PDE10A: variants seen among roughly 807,000 people sequenced by gnomAD.
PDE10A encodes the protein cAMP and cAMP-inhibited cGMP 3',5'-cyclic phosphodiesterase 10A.
A neutral mutation model predicts 97.7 loss-of-function variants in PDE10A; 39 were observed. That is an observed-to-expected ratio of 0.40 (90% CI 0.31 to 0.52). The LOEUF (loss-of-function observed/expected upper bound fraction) is 0.52, where lower values mean the gene tolerates loss of function less well. Among genes scored for constraint, PDE10A ranks in the 20% least tolerant of loss-of-function variants. The probability of loss-of-function intolerance (pLI) is 0.56; values close to 1 mark genes in which losing one functional copy is unlikely to be tolerated. For missense variants in PDE10A, 731 were observed against 1,047.8 expected, an observed-to-expected ratio of 0.70 and a Z score of 4.17; for synonymous variants, 371 against 376.8, an observed-to-expected ratio of 0.98 and a Z score of 0.18.
At position 165,661,957 on chromosome 6, in the gene PDE10A, G is replaced by A; in HGVS notation, c.855C>T (p.Phe285=). 5 of 1,090,508 alleles carry A rather than the reference G, an allele frequency of 4.6e-6. No homozygotes were observed. Among genetic ancestry groups the A allele is most frequent in the South Asian group, 2.7e-5 (2 of 73,204 alleles). The allele number at this position is 1,090,508 out of a possible 1,614,324, so 67.6% of individuals were successfully genotyped here. A position where few individuals can be genotyped will look rare whatever the true frequency, so the allele number is the denominator to read the frequency against. The change falls in exon 1 of 22, where the codon TTC becomes TTT. Residue 285 remains phenylalanine, a synonymous_variant. Transcript: ENST00000539869. The surrounding 1 kb of genome is among the most constrained non-coding windows in gnomAD (Gnocchi z 4.8). ...GAGCAGGCCACTTACTGGGGCTCAG[G>A]AAGCACTCGGTCAGCCTTCGGAAGC... ...ASCFRRLTEC[F]LSPSLTDEKV... is the part of the protein sequence containing the mutation.
chr6:165,344,935 A>G (rs940486703), intron 18 of PDE10A, among the ~76,000 whole-genome samples: 8 of 152,210 alleles, frequency 5.3e-5, no homozygotes, highest in Admixed American at 5.2e-4. Context: ...CAGGGAAACT[A>G]TAAGATTTTC....
At chr6:165,377,241 C>T (rs1370506622) in intron 18 of PDE10A, among the ~76,000 whole-genome samples, 1 of 152,030 alleles carries the variant, frequency 6.6e-6, no homozygotes, top group Middle Eastern at 3.2e-3. Context: ...CTGAGTTATG[C>T]TTGAACATAC....
intron 1 of PDE10A, among the ~76,000 whole-genome samples, chr6:165,830,941 G>A (rs1005700982): frequency 1.3e-4 from 20 of 152,230 alleles, no homozygotes; most frequent in Admixed American, 9.2e-4. Context: ...AGGAGTCATA[G>A]GAAAGCACTT....
chr6:165,850,293 G>T (rs1395348761), intron 1 of PDE10A, among the ~76,000 whole-genome samples: 1 of 152,190 alleles, frequency 6.6e-6, no homozygotes, highest in Non-Finnish European at 1.5e-5. Context: ...CAGCAAAAGA[G>T]GCAAATAACG....
At position 165,662,921 on chromosome 6, in the gene PDE10A, G is replaced by A. The variant is rs1790365794; in HGVS notation, c.-110C>T. Among the ~76,000 whole-genome samples, 2 of 150,976 alleles carry A rather than the reference G, an allele frequency of 1.3e-5. No individual in the cohort carries two copies. The highest frequency in any genetic ancestry group is 4.9e-5 in the African/African-American group (2 of 41,190). ...ACCTGCCCACCCCTGCCGGCCGCCCGAACCGCTGCCTGGTCCTCCTCTCCG... is the reference window on the plus strand; with the variant it reads ...ACCTGCCCACCCCTGCCGGCCGCCCAAACCGCTGCCTGGTCCTCCTCTCCG... On this transcript the variant is annotated 5_prime_UTR_variant, in exon 1 of 22. Coordinates refer to ENST00000539869, the MANE Select transcript of PDE10A (RefSeq NM_001385079.1).
chr6:165,336,599 A>C (rs976075233), intron 20 of PDE10A, among the ~76,000 whole-genome samples: 1 of 143,572 alleles, frequency 7.0e-6, no homozygotes, highest in Admixed American at 6.9e-5. Context: ...AATACAAAAA[A>C]TTAGCTGGGC....
intron 13 of PDE10A, among the ~76,000 whole-genome samples, chr6:165,397,280 G>C (rs1786243568): frequency 6.6e-6 from 1 of 152,148 alleles, no homozygotes; most frequent in Admixed American, 6.6e-5. Flanking sequence ...GATTAATTAG[G>C]AACTGTCTAA....
chr6:165,802,762 A>C (rs889215666), intron 1 of PDE10A, among the ~76,000 whole-genome samples: 1 of 152,098 alleles, frequency 6.6e-6, no homozygotes, highest in Admixed American at 6.6e-5. Context: ...GCATGGTTCG[A>C]TATGTTGTAC....
intron 3 of PDE10A, among the ~76,000 whole-genome samples, chr6:165,457,470 CAA>C (rs569741017): frequency 6.6e-6 from 1 of 152,076 alleles, no homozygotes; most frequent in Non-Finnish European, 1.5e-5. Context: ...CACAGCTTCA[CAA>C]AGATAAGACC....
At chr6:165,735,759 A>G (rs10946100) in intron 1 of PDE10A, among the ~76,000 whole-genome samples, 38,342 of 152,166 alleles carry the variant, frequency 0.25, 6,195 homozygotes, top group Non-Finnish European at 0.36. Flanking sequence ...CTGTTTAAAT[A>G]TCTTCCAAAA....
intron 3 of PDE10A, among the ~76,000 whole-genome samples, chr6:165,474,107 G>C (rs563911694): frequency 2.6e-5 from 4 of 152,116 alleles, no homozygotes; most frequent in Admixed American, 2.0e-4. Flanking sequence ...CTTTTTGGGG[G>C]AATGTCTTTT....
At chr6:165,827,388 G>A (rs761134474) in intron 1 of PDE10A, among the ~76,000 whole-genome samples, 1 of 152,212 alleles carries the variant, frequency 6.6e-6, no homozygotes, top group Non-Finnish European at 1.5e-5. Context: ...GCTCCACCCC[G>A]AACTCTCCCA....
chr6:165,678,823 G>A (rs1790897258), intron 1 of PDE10A, among the ~76,000 whole-genome samples: 1 of 152,146 alleles, frequency 6.6e-6, no homozygotes, highest in Admixed American at 6.5e-5. Context: ...TTAACATGTG[G>A]CAGAAATTCT....
At chr6:165,669,063 G>T (rs1360376101) in intron 1 of PDE10A, among the ~76,000 whole-genome samples, 1 of 152,316 alleles carries the variant, frequency 6.6e-6, no homozygotes, top group South Asian at 2.1e-4. Context: ...ACTGAGTCAG[G>T]CCTGGTGGCT....
At chr6:165,628,302 G>A (rs1788477049) in intron 1 of PDE10A, among the ~76,000 whole-genome samples, 1 of 152,108 alleles carries the variant, frequency 6.6e-6, no homozygotes, top group East Asian at 1.9e-4. Flanking sequence ...AAAAGGCTTA[G>A]CACAGTGCCT....
intron 1 of PDE10A, among the ~76,000 whole-genome samples, chr6:165,590,419 C>G (rs1583600242): frequency 2.0e-5 from 3 of 152,176 alleles, no homozygotes; most frequent in Non-Finnish European, 4.4e-5. Context: ...AGTAGAAATA[C>G]ATACTGAATC....
intron 1 of PDE10A, among the ~76,000 whole-genome samples, chr6:165,789,936 G>A (rs1002766587): frequency 6.6e-6 from 1 of 152,138 alleles, no homozygotes; most frequent in African/African-American, 2.4e-5. Context: ...AGAAAGAGAC[G>A]GGATGGTGTG....
intron 1 of PDE10A, among the ~76,000 whole-genome samples, chr6:165,906,027 T>TC (rs1782263999): frequency 5.3e-4 from 2 of 3,772 alleles, no homozygotes; most frequent in Non-Finnish European, 4.1e-4. Flanking sequence ...CTCCCTCCCT[T>TC]CCTTCCTTCC....
intron 1 of PDE10A, among the ~76,000 whole-genome samples, chr6:165,639,854 G>A (rs901270493): frequency 6.6e-6 from 1 of 152,004 alleles, no homozygotes; most frequent in Non-Finnish European, 1.5e-5. Context: ...GACTGCTTGA[G>A]CCCAGGAGTT....
Sources: gnomAD v4.1 joint callset for allele counts (sites outside exome capture counted in the v4.1 genomes callset) on GRCh38, gnomAD v4.1.1 for gene constraint, Gnocchi (gnomAD v3.1) non-coding constraint, MANE v1.5 for transcripts, NCBI Gene and HGNC (gene_info 2026-07-23, HGNC 2026-07-21) for gene names.